The following FHIP1A variants were observed in gnomAD, a reference collection of about 807,000 sequenced individuals.
FHIP1A encodes the protein FHF complex subunit HOOK interacting protein 1A, also known as FHF complex subunit HOOK-interacting protein 1A.
FHIP1A carries 61 observed loss-of-function variants against 88.6 expected under a neutral mutation model. That is an observed-to-expected ratio of 0.69 (90% confidence interval 0.56 to 0.85). The LOEUF (loss-of-function observed/expected upper bound fraction) is 0.85, where lower values mean the gene tolerates loss of function less well. Ranked by LOEUF, FHIP1A falls within the 40% of genes least tolerant of loss-of-function variation. The pLI, the probability that FHIP1A is intolerant of heterozygous loss-of-function variation, is 0.00. For synonymous variants in FHIP1A, 478 were observed against 496.0 expected, an observed-to-expected ratio of 0.96 and a Z score of 0.48; for missense variants, 1,154 against 1,273.5, an observed-to-expected ratio of 0.91 and a Z score of 1.43.
In FHIP1A at chr4:151,656,335, C is replaced by T. The variant is rs1320744018; in HGVS notation, c.2655C>T (p.Tyr885=). Residue 885 remains tyrosine (Y), a synonymous_variant, in exon 12 of 14, where the codon TAC becomes TAT. Coordinates refer to ENST00000435205, the MANE Select transcript of FHIP1A (RefSeq NM_001109977.3). This position sits in a 1 kb window ranked among gnomAD's most constrained non-coding sequence, Gnocchi z 4.2. ...LIGIITQLAS[Y]PQPLLRSFLL... is the part of the protein sequence containing the mutation. The stretch of plus-strand genomic sequence containing the variant: ...GGATCATTACTCAGCTAGCCAGCTA[C>T]CCCCAGCCACTCCTGCGCTCCTTTC... 3.9e-6 allele frequency: 6 copies of T among 1,551,502 alleles called. No homozygotes were observed. The South Asian group carries it at 4.8e-5, about 12-fold the overall frequency.
At chr4:151,513,753 C>G (rs891309900) in intron 3 of FHIP1A, among the ~76,000 whole-genome samples, 18 of 151,912 alleles carry the variant, frequency 1.2e-4, no homozygotes, top group African/African-American at 4.4e-4. Flanking sequence ...GAAGAGCTAA[C>G]TATCCTAAAT....
At chr4:151,581,140 G>A (rs1264821344) in intron 5 of FHIP1A, among the ~76,000 whole-genome samples, 1 of 152,204 alleles carries the variant, frequency 6.6e-6, no homozygotes, top group Non-Finnish European at 1.5e-5. Context: ...TTACAGGCAT[G>A]AGCCACTGCG....
At chr4:151,453,026 T>G (rs1728848046) in intron 1 of FHIP1A, among the ~76,000 whole-genome samples, 1 of 150,808 alleles carries the variant, frequency 6.6e-6, no homozygotes. Flanking sequence ...ACATAGTTGT[T>G]TTTTTTTTGA....
rs759129776 is a variant in FHIP1A at position 151,646,579 on chromosome 4, C to T, written c.1248C>T (p.His416=). 112 of 1,551,312 alleles carry T rather than the reference C, an allele frequency of 7.2e-5. 1 individual carries two copies. Among genetic ancestry groups the T allele is most frequent in the Non-Finnish European group, 2.7e-5 (31 of 1,146,826 alleles). The part of the protein sequence containing the change: ...LVLRYLIPCN[H]MMLSQRWAVK... Reference sequence around the variant, plus strand: ...CTAGGTATCTGATCCCCTGCAATCACATGATGCTGAGTCAGAGGTGGGCTG... The same window carrying T: ...CTAGGTATCTGATCCCCTGCAATCATATGATGCTGAGTCAGAGGTGGGCTG... The change falls in exon 10 of 14, where the codon CAC becomes CAT. Residue 416 remains histidine, a synonymous_variant. Transcript: ENST00000435205.
intron 1 of FHIP1A, among the ~76,000 whole-genome samples, chr4:151,418,193 A>AAAC (rs1561486637): frequency 6.6e-6 from 1 of 151,290 alleles, no homozygotes; most frequent in African/African-American, 2.4e-5. Context: ...AAAAAAAAAA[A>AAAC]AACAAGAGAA....
At position 151,664,819 on chromosome 4, in the gene FHIP1A, C is replaced by T. The variant is rs187339725; in HGVS notation, c.*2065C>T. Among the ~76,000 whole-genome samples, 11 of 152,332 alleles carry T rather than the reference C, an allele frequency of 7.2e-5. No individual in the cohort carries two copies. The highest frequency in any genetic ancestry group is 1.3e-4 in the Non-Finnish European group (9 of 68,024). On this transcript the variant is annotated 3_prime_UTR_variant, in exon 14 of 14. Coordinates refer to ENST00000435205, the MANE Select transcript of FHIP1A (RefSeq NM_001109977.3). ...TTCTTTAGCTTTGTAGTTTGATTTA[C>T]ACCTTTCTCCATTATCTGGTGGTGG... is the stretch of plus-strand genomic sequence containing the variant.
In FHIP1A at chr4:151,665,985, A is replaced by G. The variant is rs936767025; in HGVS notation, c.*3231A>G. ...TGGCGTCACTGCGTCTGGCCTGGGC[A>G]GGAAAGGTGAGGGAGCCAAGGGTTC... is the stretch of plus-strand genomic sequence containing the variant. On this transcript the variant is annotated 3_prime_UTR_variant, in exon 14 of 14. Coordinates refer to ENST00000435205, the MANE Select transcript of FHIP1A (RefSeq NM_001109977.3). Among the ~76,000 whole-genome samples the G allele has an allele frequency of 6.6e-6, 1 of 152,228 alleles. No homozygotes were observed. Among genetic ancestry groups the G allele is most frequent in the African/African-American group, 2.4e-5 (1 of 41,468 alleles).
intron 7 of FHIP1A, among the ~76,000 whole-genome samples, chr4:151,627,989 C>T (rs1249674620): frequency 2.0e-5 from 3 of 152,102 alleles, no homozygotes; most frequent in Non-Finnish European, 2.9e-5. Flanking sequence ...TCAGGAAACA[C>T]AAAGACGGAA....
chr4:151,426,093 TA>T (rs1043991488), intron 1 of FHIP1A, among the ~76,000 whole-genome samples: 10 of 152,254 alleles, frequency 6.6e-5, no homozygotes, highest in South Asian at 2.1e-4. Context: ...GATTTGCTTT[TA>T]AAAAAACAAG....
In FHIP1A at chr4:151,650,319, A is replaced by T; in HGVS notation, c.2278A>T (p.Lys760Ter). 6.4e-7 allele frequency: 1 copy of T among 1,551,740 alleles called. No individual in the cohort carries two copies. The highest frequency in any genetic ancestry group is 8.7e-7 in the Non-Finnish European group (1 of 1,146,990). ...ELIAQYDQII[K>*]ELDSGAEGLM... ...CATTGCCCAGTATGACCAAATCATT[A>T]AAGAGCTGGATTCCGGCGCCGAGGG... Residue 760 changes from lysine to a stop codon, truncating the protein, a stop_gained, in exon 11 of 14, where the codon AAA (lysine) becomes TAA (stop). Coordinates refer to ENST00000435205, the MANE Select transcript of FHIP1A (RefSeq NM_001109977.3). LOFTEE classifies it high-confidence loss of function.
chr4:151,421,413 C>T (rs1238544524), intron 1 of FHIP1A, among the ~76,000 whole-genome samples: 4 of 152,188 alleles, frequency 2.6e-5, no homozygotes, highest in South Asian at 2.1e-4. Context: ...ATCCCCCTTA[C>T]TCTGCTCTCC....
chr4:151,525,975 C>T (rs994668132), intron 3 of FHIP1A, among the ~76,000 whole-genome samples: 1 of 151,898 alleles, frequency 6.6e-6, no homozygotes, highest in Non-Finnish European at 1.5e-5. Flanking sequence ...GAGCATGCTG[C>T]CTTCAAGCAT....
At chr4:151,546,359 C>T (rs1356438554) in intron 3 of FHIP1A, among the ~76,000 whole-genome samples, 2 of 152,200 alleles carry the variant, frequency 1.3e-5, no homozygotes, top group African/African-American at 2.4e-5. Context: ...GACTGAGCCA[C>T]ACTACCGGCA....
chr4:151,454,261 G>T (rs1054556241), intron 1 of FHIP1A, among the ~76,000 whole-genome samples: 4 of 152,074 alleles, frequency 2.6e-5, no homozygotes, highest in African/African-American at 9.7e-5. Flanking sequence ...ATTGATTTAG[G>T]CATATCACAT....
At chr4:151,428,483 G>C (rs534660807) in intron 1 of FHIP1A, among the ~76,000 whole-genome samples, 1 of 151,586 alleles carries the variant, frequency 6.6e-6, no homozygotes, top group South Asian at 2.1e-4. Context: ...TACTACATTC[G>C]TCTCTTAACT....
At chr4:151,607,936 G>A (rs1047621669) in intron 7 of FHIP1A, among the ~76,000 whole-genome samples, 5 of 150,728 alleles carry the variant, frequency 3.3e-5, no homozygotes, top group Non-Finnish European at 5.9e-5. Context: ...TTTGATTTTA[G>A]ATAATATGCT....
At chr4:151,619,799 G>A (rs1735668081) in intron 7 of FHIP1A, among the ~76,000 whole-genome samples, 1 of 152,196 alleles carries the variant, frequency 6.6e-6, no homozygotes, top group Admixed American at 6.5e-5. Context: ...CTTACTCAGA[G>A]AAAACACTGA....
chr4:151,515,467 G>T (rs906525399), intron 3 of FHIP1A, among the ~76,000 whole-genome samples: 25 of 151,978 alleles, frequency 1.6e-4, no homozygotes, highest in African/African-American at 5.1e-4. Flanking sequence ...AATTAGGCAG[G>T]AGAAGGAAAT....
chr4:151,554,399 T>A (rs549517559), intron 3 of FHIP1A, among the ~76,000 whole-genome samples: 3 of 152,166 alleles, frequency 2.0e-5, no homozygotes, highest in Middle Eastern at 3.2e-3. Flanking sequence ...AATACATGAA[T>A]AACATAAAAA....
Sources: allele counts gnomAD v4.1 joint callset (sites outside exome capture counted in the v4.1 genomes callset), GRCh38; gene constraint gnomAD v4.1.1; non-coding constraint Gnocchi (gnomAD v3.1); transcripts MANE v1.5; gene names NCBI Gene and HGNC (gene_info 2026-07-23, HGNC 2026-07-21).